ARHGEF11: variants seen among roughly 807,000 people sequenced by gnomAD.
ARHGEF11 encodes Rho guanine exchange factor (GEF) 11.
ARHGEF11 carries 55 observed loss-of-function variants against 193.7 expected under a neutral mutation model. The ratio of observed to expected loss-of-function variants is 0.28; its 90% CI spans 0.23 to 0.36. ARHGEF11 has a LOEUF of 0.36. ARHGEF11 is among the 10% of genes least tolerant of loss of function. ARHGEF11 has a pLI of 1.00. For synonymous variants in ARHGEF11, 693 were observed against 768.0 expected, an observed-to-expected ratio of 0.90 and a Z score of 1.62; for missense variants, 1,723 against 2,005.6, an observed-to-expected ratio of 0.86 and a Z score of 2.69.
At position 156,958,821 on chromosome 1, in the gene ARHGEF11, C is replaced by A. The variant is rs1240358141; in HGVS notation, c.1423G>T (p.Asp475Tyr). The change falls in exon 17 of 41, where the codon GAC (aspartate) becomes TAC (tyrosine). Residue 475 changes from aspartate (D) to tyrosine (Y), a missense_variant. Coordinates refer to ENST00000368194, the MANE Select transcript of ARHGEF11 (RefSeq NM_198236.3). ...LGLGSLYGEN[D>Y]LLDLDGDPLR... ...GGGTCCCCATCCAGGTCCAGCAGGT[C>A]ATTTTCACCATACAGGCTGCCCAGC... is the stretch of plus-strand genomic sequence containing the variant. The A allele has an allele frequency of 1.9e-6, 3 of 1,614,120 alleles. No homozygotes were observed. Among genetic ancestry groups the A allele is most frequent in the Non-Finnish European group, 1.7e-6 (2 of 1,180,054 alleles).
chr1:156,964,604 A>G (rs1262830750), intron 11 of ARHGEF11, among the ~76,000 whole-genome samples: 1 of 152,220 alleles, frequency 6.6e-6, no homozygotes, highest in Non-Finnish European at 1.5e-5. Flanking sequence ...CTCTATGCCC[A>G]GAATGACTGA....
intron 25 of ARHGEF11, 104 bp downstream of exon 25, chr1:156,947,665 G>A: frequency 6.8e-7 from 1 of 1,465,024 alleles, no homozygotes; most frequent in African/African-American, 1.4e-5. Flanking sequence ...AGCACACAGG[G>A]GCCCCCCACC....
At chr1:157,044,205 AC>A (rs1673099856) in intron 1 of ARHGEF11, 93 bp downstream of exon 1, 1 of 1,190,522 alleles carries the variant, frequency 8.4e-7, no homozygotes, top group Non-Finnish European at 1.3e-6. Context: ...GCCCACCCAG[AC>A]CCCTATTTTC....
intron 39 of ARHGEF11, 43 bp downstream of exon 39, chr1:156,937,203 GTGA>G (rs1279935494): frequency 6.2e-7 from 1 of 1,611,660 alleles, no homozygotes; most frequent in East Asian, 2.2e-5. Flanking sequence ...TGGTTTTGGG[GTGA>G]TGGACTGAAG....
At chr1:157,001,730 C>T (rs894654058) in intron 1 of ARHGEF11, among the ~76,000 whole-genome samples, 5 of 152,186 alleles carry the variant, frequency 3.3e-5, no homozygotes. Context: ...GTGGCTCCTA[C>T]CACTTCCAGC....
At chr1:157,001,801 C>T (rs1027212049) in intron 1 of ARHGEF11, among the ~76,000 whole-genome samples, 15 of 152,192 alleles carry the variant, frequency 9.9e-5, no homozygotes, top group African/African-American at 3.4e-4. Flanking sequence ...GAGGGGCTTG[C>T]ACAACAGTGA....
intron 26 of ARHGEF11, 51 bp from the exon 27 acceptor site, chr1:156,947,066 CA>C: frequency 2.5e-6 from 4 of 1,603,900 alleles, no homozygotes; most frequent in Non-Finnish European, 3.4e-6. Flanking sequence ...GCTCAACTGC[CA>C]GAACCTTTCT....
At chr1:156,994,261 G>A (rs1032269476) in intron 1 of ARHGEF11, among the ~76,000 whole-genome samples, 7 of 152,112 alleles carry the variant, frequency 4.6e-5, no homozygotes, top group African/African-American at 1.7e-4. Flanking sequence ...AGTGAGGGTC[G>A]CTCCAAAAAT....
chr1:157,001,936 A>G (rs888519887), intron 1 of ARHGEF11, among the ~76,000 whole-genome samples: 1 of 152,218 alleles, frequency 6.6e-6, no homozygotes, highest in Non-Finnish European at 1.5e-5. Context: ...TTCACGCAGC[A>G]CAGTTTAAAT....
chr1:156,953,690 C>A (rs6427338), intron 21 of ARHGEF11, among the ~76,000 whole-genome samples: 144,391 of 152,086 alleles, frequency 0.95, 68,692 homozygotes, highest in East Asian at 1. Flanking sequence ...CTCTCTCTCT[C>A]TATATATATT....
At chr1:156,981,351 C>G (rs1368072129) in intron 3 of ARHGEF11, among the ~76,000 whole-genome samples, 2 of 152,080 alleles carry the variant, frequency 1.3e-5, no homozygotes, top group African/African-American at 4.8e-5. Flanking sequence ...CCCAGTTTCT[C>G]CCTTTAAAAT....
intron 1 of ARHGEF11, among the ~76,000 whole-genome samples, chr1:157,025,620 G>A (rs79165644): frequency 0.013 from 1,966 of 152,250 alleles, 39 homozygotes; most frequent in African/African-American, 0.045. Flanking sequence ...AGGGCTCTCC[G>A]TGAGATTGAT....
intron 1 of ARHGEF11, among the ~76,000 whole-genome samples, chr1:156,993,395 A>G (rs918496432): frequency 6.6e-6 from 1 of 152,254 alleles, no homozygotes; most frequent in Admixed American, 6.5e-5. Flanking sequence ...TATATATAAT[A>G]CACATATGCT....
intron 1 of ARHGEF11, among the ~76,000 whole-genome samples, chr1:157,027,301 A>G (rs985019292): frequency 2.0e-5 from 3 of 152,244 alleles, no homozygotes; most frequent in East Asian, 3.9e-4. Flanking sequence ...ACTTGAACCC[A>G]GGAAATCCAG....
intron 13 of ARHGEF11, 113 bp downstream of exon 13, chr1:156,963,090 T>G: frequency 1.3e-6 from 1 of 795,440 alleles, no homozygotes; most frequent in Admixed American, 2.3e-5. Flanking sequence ...TTGAAATGCC[T>G]GACTGTGCCC....
At chr1:156,946,267 G>A (rs1658094665) in intron 28 of ARHGEF11, 105 bp from the exon 29 acceptor site, 1 of 868,380 alleles carries the variant, frequency 1.2e-6, no homozygotes, top group East Asian at 2.5e-5. Context: ...AGGTCCTAAC[G>A]CCAGATGGAT....
chr1:157,017,973 G>A (rs58031413), intron 1 of ARHGEF11, among the ~76,000 whole-genome samples: 7 of 151,990 alleles, frequency 4.6e-5, no homozygotes, highest in African/African-American at 1.2e-4. Context: ...AAAGCTATGA[G>A]AGAATAGGTA....
At position 156,992,372 on chromosome 1, in the gene ARHGEF11, G is replaced by A. The variant is rs527387867; in HGVS notation, c.33-6199C>T. Among the ~76,000 whole-genome samples the A allele has an allele frequency of 2.0e-5, 3 of 151,946 alleles. No individual in the cohort carries two copies. The East Asian group carries it at 5.8e-4, about 30-fold the overall frequency. ...CCTCCAAGGCTCCCTGTGGCCTGGT[G>A]CGTCAGTCCTGCCTATTTGCTGGAG... On this transcript the variant is annotated intron_variant, in intron 1 of 40. Coordinates refer to ENST00000368194, the MANE Select transcript of ARHGEF11 (RefSeq NM_198236.3).
In ARHGEF11 at chr1:156,971,796, G is replaced by C; in HGVS notation, c.603C>G (p.Ser201Arg). The C allele has an allele frequency of 6.2e-7, 1 of 1,613,612 alleles. No individual in the cohort carries two copies. The highest frequency in any genetic ancestry group is 8.5e-7 in the Non-Finnish European group (1 of 1,179,944). ...CTTCCAGTAGGCTGGCGGGGTTCCG[G>C]CTATAGACCTCACAGATACGCTAGG... ...KELQRICEVYSRNPASLLEEQ... is the reference protein window; with the variant it reads ...KELQRICEVYRRNPASLLEEQ... The change falls in exon 8 of 41, where the codon AGC becomes AGG. Residue 201 changes from serine to arginine, a missense_variant. Around this residue, in one of 5 missense-constraint regions of ARHGEF11, gnomAD observed 646 missense variants for 710.7 expected, o/e 0.91. Coordinates refer to ENST00000368194, the MANE Select transcript of ARHGEF11 (RefSeq NM_198236.3).
Sources: gnomAD v4.1 joint callset for allele counts (sites outside exome capture counted in the v4.1 genomes callset) on GRCh38, gnomAD v4.1.1 for gene constraint, gnomAD v4.1.1 regional missense constraint, MANE v1.5 for transcripts, NCBI Gene and HGNC (gene_info 2026-07-23, HGNC 2026-07-21) for gene names.